Variants in C8orf34 observed in about 807,000 individuals in gnomAD.
C8orf34 encodes the protein uncharacterized protein C8orf34.
C8orf34 carries 65 observed loss-of-function variants against 68.3 expected under a neutral mutation model. That is an observed-to-expected ratio of 0.95 (90% CI 0.78 to 1.17). The LOEUF (loss-of-function observed/expected upper bound fraction) is 1.17, where lower values mean the gene tolerates loss of function less well. C8orf34 is among the 50% of genes most tolerant of loss of function. The pLI is 0.00. For missense variants in C8orf34, 664 were observed against 655.4 expected (o/e 1.01, Z -0.14); for synonymous variants, 244 against 241.2 (o/e 1.01, Z -0.11).
intron 10 of C8orf34, among the ~76,000 whole-genome samples, chr8:68,772,835 C>A (rs1408778315): frequency 6.9e-6 from 1 of 143,936 alleles, no homozygotes; most frequent in Non-Finnish European, 1.5e-5. Context: ...TCTTTCTTTT[C>A]TTTCTTTCTC....
intron 1 of C8orf34, among the ~76,000 whole-genome samples, chr8:68,378,480 G>T (rs1264075133): frequency 6.6e-6 from 1 of 152,030 alleles, no homozygotes; most frequent in Non-Finnish European, 1.5e-5. Context: ...TAGATATGGG[G>T]TGTCGACATG....
In C8orf34 at chr8:68,505,567, C is replaced by T. The variant is rs911798686; in HGVS notation, c.766-16232C>T. 1.6e-4 allele frequency among the ~76,000 whole-genome samples: 21 copies of T among 130,802 alleles called. 2 individuals are homozygous for T. The South Asian group carries it at 3.4e-3, about 21-fold the overall frequency. The allele number at this position is 130,802 out of a possible 152,430, so 85.8% of individuals were successfully genotyped here. A position where few individuals can be genotyped will look rare whatever the true frequency, so the allele number is the denominator to read the frequency against. On this transcript the variant is annotated intron_variant, in intron 5 of 13. Transcript: ENST00000518698. Reference sequence around the variant, plus strand: ...TAACAAGGTGAAACCCCGTCTCTACCAAAAATACAAAAAATTAGCCGGGCG... The same window carrying T: ...TAACAAGGTGAAACCCCGTCTCTACTAAAAATACAAAAAATTAGCCGGGCG...
At chr8:68,806,452 C>A (rs192849308) in intron 12 of C8orf34, among the ~76,000 whole-genome samples, 83 of 152,006 alleles carry the variant, frequency 5.5e-4, no homozygotes, top group African/African-American at 1.9e-3. Context: ...TCTTTCAGCA[C>A]GTCAAAGATA....
chr8:68,761,097 G>A (rs1375338531), intron 10 of C8orf34, among the ~76,000 whole-genome samples: 1 of 152,194 alleles, frequency 6.6e-6, no homozygotes, highest in East Asian at 1.9e-4. Flanking sequence ...TGATGACACA[G>A]TCAAAAGCAA....
intron 8 of C8orf34, among the ~76,000 whole-genome samples, chr8:68,644,447 T>A (rs1409977100): frequency 6.6e-6 from 1 of 152,200 alleles, no homozygotes; most frequent in Non-Finnish European, 1.5e-5. Context: ...GAAGTTCTTT[T>A]TGGAGAATCT....
chr8:68,523,498 T>G (rs544019745), intron 6 of C8orf34, among the ~76,000 whole-genome samples: 1 of 152,294 alleles, frequency 6.6e-6, no homozygotes, highest in Non-Finnish European at 1.5e-5. Flanking sequence ...AATGTTTGTC[T>G]TAATTTTTTT....
intron 5 of C8orf34, 121 bp downstream of exon 5, chr8:68,488,172 AT>A: frequency 1.5e-6 from 1 of 679,968 alleles, no homozygotes; most frequent in Non-Finnish European, 2.3e-6. Flanking sequence ...TTGGGCTAAC[AT>A]TTTAAAACTT....
At position 68,450,900 on chromosome 8, in the gene C8orf34, A is replaced by G. The variant is rs148059240; in HGVS notation, c.607+4440A>G. 2.1e-3 allele frequency among the ~76,000 whole-genome samples: 326 copies of G among 152,190 alleles called. 1 individual carries two copies. The highest frequency in any genetic ancestry group is 7.1e-3 in the African/African-American group (294 of 41,542). On this transcript the variant is annotated intron_variant, in intron 3 of 13. Transcript: ENST00000518698. ...TAAGAGAGTCAGCCTATCCTTTGAAACTTGAAGCCAGGCATTGACTTCTCT... is the reference window on the plus strand; with the variant it reads ...TAAGAGAGTCAGCCTATCCTTTGAAGCTTGAAGCCAGGCATTGACTTCTCT...
At chr8:68,610,327 A>G (rs1276883727) in intron 7 of C8orf34, among the ~76,000 whole-genome samples, 1 of 152,140 alleles carries the variant, frequency 6.6e-6, no homozygotes, top group Non-Finnish European at 1.5e-5. Context: ...TTGTGGCACT[A>G]CATGTACCAA....
chr8:68,396,712 C>CA (rs56946858), intron 1 of C8orf34, among the ~76,000 whole-genome samples: 1,885 of 18,628 alleles, frequency 0.1, 386 homozygotes, highest in Non-Finnish European at 0.14. Flanking sequence ...AGCTGCTTGT[C>CA]AAAAAAAAAA....
intron 10 of C8orf34, among the ~76,000 whole-genome samples, chr8:68,749,140 A>C (rs1202308952): frequency 7.2e-5 from 11 of 151,954 alleles, no homozygotes; most frequent in African/African-American, 2.7e-4. Context: ...CGCAAGAACA[A>C]AAAACCAAAC....
At chr8:68,662,319 C>G (rs1819704080) in intron 8 of C8orf34, among the ~76,000 whole-genome samples, 1 of 152,160 alleles carries the variant, frequency 6.6e-6, no homozygotes. Flanking sequence ...GTTAGTCTTT[C>G]CTAGTTGATG....
intron 10 of C8orf34, among the ~76,000 whole-genome samples, chr8:68,752,672 G>A (rs1001078420): frequency 1.3e-5 from 2 of 152,178 alleles, no homozygotes; most frequent in African/African-American, 4.8e-5. Flanking sequence ...AAGCTTCGTT[G>A]TGGATGCGCA....
At chr8:68,609,841 T>C (rs1030681569) in intron 7 of C8orf34, among the ~76,000 whole-genome samples, 1 of 152,126 alleles carries the variant, frequency 6.6e-6, no homozygotes. Context: ...GCCACTAGTT[T>C]CCAGGAAGGT....
At chr8:68,366,453 CA>C (rs1807260791) in intron 1 of C8orf34, among the ~76,000 whole-genome samples, 1 of 141,482 alleles carries the variant, frequency 7.1e-6, no homozygotes. Context: ...AATCCTAAGC[CA>C]AAAGAACAAA....
At chr8:68,478,260 A>G (rs1013369577) in intron 4 of C8orf34, among the ~76,000 whole-genome samples, 1 of 152,088 alleles carries the variant, frequency 6.6e-6, no homozygotes, top group Non-Finnish European at 1.5e-5. Flanking sequence ...TAGAGATGCC[A>G]TCAGTCTCTT....
At chr8:68,545,101 T>C (rs1815830146) in intron 7 of C8orf34, among the ~76,000 whole-genome samples, 1 of 152,092 alleles carries the variant, frequency 6.6e-6, no homozygotes, top group South Asian at 2.1e-4. Flanking sequence ...CCCAACCAAA[T>C]CTCAACTTGA....
chr8:68,370,228 T>TC (rs1439545842), intron 1 of C8orf34, among the ~76,000 whole-genome samples: 1 of 152,170 alleles, frequency 6.6e-6, no homozygotes, highest in Non-Finnish European at 1.5e-5. Flanking sequence ...GCCCATCTAT[T>TC]CCCCTTCTAC....
intron 7 of C8orf34, among the ~76,000 whole-genome samples, chr8:68,571,361 T>C (rs1235964979): frequency 3.3e-5 from 5 of 152,216 alleles, no homozygotes; most frequent in South Asian, 2.1e-4. Context: ...ATTGAGAACT[T>C]TGTAGTCAAG....
Sources: gnomAD v4.1 joint callset for allele counts (sites outside exome capture counted in the v4.1 genomes callset) on GRCh38, gnomAD v4.1.1 for gene constraint, MANE v1.5 for transcripts, NCBI Gene and HGNC (gene_info 2026-07-23, HGNC 2026-07-21) for gene names.